The following DNAH11 variants were observed in gnomAD, a reference collection of about 807,000 sequenced individuals.
DNAH11 encodes the protein dynein axonemal heavy chain 11, also known as axonemal beta dynein heavy chain 11.
In DNAH11, 442 loss-of-function variants were observed where a neutral mutation model predicts 526.0. That is an observed-to-expected ratio of 0.84 (90% confidence interval 0.78 to 0.91). The LOEUF (loss-of-function observed/expected upper bound fraction) is 0.91. Among genes scored for constraint, DNAH11 ranks in the 40% least tolerant of loss-of-function variants. DNAH11 has a pLI of 0.00. For missense variants in DNAH11, 6,989 were observed against 5,448.7 expected (o/e 1.28, Z -8.90); for synonymous variants, 2,461 against 1,935.9 (o/e 1.27, Z -7.12).
At chr7:21,578,380 T>C (rs1161894648) in intron 8 of DNAH11, among the ~76,000 whole-genome samples, 2 of 152,136 alleles carry the variant, frequency 1.3e-5, no homozygotes, top group South Asian at 2.1e-4. Flanking sequence ...CCTTTGACTC[T>C]ATGTCTCACA....
intron 75 of DNAH11, among the ~76,000 whole-genome samples, chr7:21,883,185 C>G (rs1385278861): frequency 1.3e-5 from 2 of 152,212 alleles, no homozygotes; most frequent in Non-Finnish European, 2.9e-5. Context: ...TTTACTTGTT[C>G]TGTTCTGTCA....
intron 40 of DNAH11, among the ~76,000 whole-genome samples, chr7:21,708,432 G>C (rs957075440): frequency 2.0e-5 from 3 of 152,164 alleles, no homozygotes; most frequent in African/African-American, 7.2e-5. Context: ...GTTAGTTGAA[G>C]CTGCCATCAT....
Position 21,816,577 on chromosome 7 carries a change from A to G in DNAH11, c.10443A>G (p.Glu3481=). Residue 3481 remains glutamate, a synonymous_variant, in exon 64 of 82, where the codon GAA becomes GAG. Transcript: ENST00000409508. ...TGCCCAGTGACAGAATGTCCACCGA[A>G]AATGCCGCTATCCTAACACACTGTG... The part of the protein sequence containing the change: ...EGLPSDRMST[E]NAAILTHCER... The G allele has an allele frequency of 6.2e-7, 1 of 1,613,548 alleles. No individual in the cohort carries two copies. The highest frequency in any genetic ancestry group is 8.5e-7 in the Non-Finnish European group (1 of 1,179,774).
At chr7:21,690,686 T>A in intron 34 of DNAH11, 79 bp from the exon 35 acceptor site, 1 of 1,037,236 alleles carries the variant, frequency 9.6e-7, no homozygotes, top group African/African-American at 1.6e-5. Flanking sequence ...AATTTGCATT[T>A]TGCAGTGGTT....
chr7:21,555,767 G>A (rs1039437336), intron 2 of DNAH11, among the ~76,000 whole-genome samples: 3 of 152,126 alleles, frequency 2.0e-5, no homozygotes, highest in Non-Finnish European at 2.9e-5. Flanking sequence ...TTTGTTTATG[G>A]CCTCTGCAGG....
chr7:21,881,340 T>G (rs1397353573), intron 75 of DNAH11, among the ~76,000 whole-genome samples: 1 of 152,242 alleles, frequency 6.6e-6, no homozygotes, highest in Non-Finnish European at 1.5e-5. Context: ...TAATGGTGCA[T>G]TTCCTGCATA....
chr7:21,598,487 C>G (rs1473627771), intron 14 of DNAH11, among the ~76,000 whole-genome samples: 3 of 152,096 alleles, frequency 2.0e-5, no homozygotes, highest in African/African-American at 7.2e-5. Flanking sequence ...GTGCAAGAAG[C>G]TCATATTGTT....
At chr7:21,786,536 C>T (rs1470673621) in intron 58 of DNAH11, 88 bp from the exon 59 acceptor site, 2 of 1,466,108 alleles carry the variant, frequency 1.4e-6, no homozygotes, top group African/African-American at 1.4e-5. Flanking sequence ...AGTGGGAGTC[C>T]ACTAAAGCCT....
chr7:21,600,457 A>G (rs949171181), intron 15 of DNAH11, among the ~76,000 whole-genome samples: 3 of 150,478 alleles, frequency 2.0e-5, no homozygotes, highest in African/African-American at 7.5e-5. Flanking sequence ...TGTCTCAAAA[A>G]AACAAAAACA....
intron 28 of DNAH11, among the ~76,000 whole-genome samples, chr7:21,654,021 T>A (rs1781900731): frequency 6.6e-6 from 1 of 152,228 alleles, no homozygotes; most frequent in African/African-American, 2.4e-5. Flanking sequence ...GGCGCCTGTA[T>A]GCTTGGAAAT....
chr7:21,700,525 T>C (rs565949959), intron 36 of DNAH11, among the ~76,000 whole-genome samples: 39 of 152,226 alleles, frequency 2.6e-4, no homozygotes, highest in Non-Finnish European at 4.9e-4. Flanking sequence ...TTATTGTTAC[T>C]GCAATAACTT....
At chr7:21,678,485 G>A (rs1331323384) in intron 30 of DNAH11, among the ~76,000 whole-genome samples, 1 of 152,052 alleles carries the variant, frequency 6.6e-6, no homozygotes, top group Non-Finnish European at 1.5e-5. Flanking sequence ...ATCAAGAGAT[G>A]TGATGCCTCC....
At chr7:21,648,609 T>C (rs2128463028) in intron 28 of DNAH11, among the ~76,000 whole-genome samples, 1 of 152,310 alleles carries the variant, frequency 6.6e-6, no homozygotes, top group East Asian at 1.9e-4. Flanking sequence ...CCAGCTGGAC[T>C]AGCTGAGGCA....
intron 36 of DNAH11, 78 bp downstream of exon 36, chr7:21,698,291 T>C (rs1019753774): frequency 6.4e-7 from 1 of 1,569,746 alleles, no homozygotes; most frequent in African/African-American, 1.4e-5. Flanking sequence ...TTAGGTAATT[T>C]ATCATTCAAA....
chr7:21,603,159 G>C (rs1044133045), intron 18 of DNAH11, among the ~76,000 whole-genome samples: 7 of 152,154 alleles, frequency 4.6e-5, no homozygotes, highest in African/African-American at 1.7e-4. Flanking sequence ...CATACAATAT[G>C]TGACCTATTT....
chr7:21,868,054 CT>C, intron 72 of DNAH11, 47 bp downstream of exon 72: 1 of 1,410,984 alleles, frequency 7.1e-7, no homozygotes, highest in Non-Finnish European at 9.3e-7. Context: ...CCCTCCCTCC[CT>C]TTCACCCCCA....
chr7:21,852,752 G>C, intron 67 of DNAH11, 121 bp downstream of exon 67: 2 of 1,057,850 alleles, frequency 1.9e-6, no homozygotes, highest in South Asian at 5.0e-5. Flanking sequence ...GAATTCAGGT[G>C]ATTTAATAAG....
intron 2 of DNAH11, among the ~76,000 whole-genome samples, chr7:21,552,193 G>A (rs1002320086): frequency 1.3e-5 from 2 of 152,168 alleles, no homozygotes; most frequent in African/African-American, 2.4e-5. Flanking sequence ...AAGAAGGGAG[G>A]GCCAGGACCA....
chr7:21,901,156 CTG>C lies in DNAH11; in HGVS notation c.13454_13455del (p.Leu4485GlnfsTer34), dbSNP rs1185108937. 6.2e-7 allele frequency: 1 copy of C among 1,612,784 alleles called. No homozygotes were observed. Among genetic ancestry groups the C allele is most frequent in the Non-Finnish European group, 8.5e-7 (1 of 1,178,920 alleles). ...CGAGTGCCCTGTGTATAGAACCAAACTGAGAGGCCCCAGCTACATCTGGACCT... is the reference window on the plus strand; with the variant it reads ...CGAGTGCCCTGTGTATAGAACCAAACAGAGGCCCCAGCTACATCTGGACCT... ...TYECPVYRTKLRGPSYIWTFR... is the reference protein window; with the variant it reads ...TYECPVYRTKXRGPSYIWTFR... On this transcript the variant is annotated frameshift_variant, in exon 82 of 82. Transcript: ENST00000409508. LOFTEE classifies it high-confidence loss of function.
Sources: allele counts gnomAD v4.1 joint callset (sites outside exome capture counted in the v4.1 genomes callset), GRCh38; gene constraint gnomAD v4.1.1; transcripts MANE v1.5; gene names NCBI Gene and HGNC (gene_info 2026-07-23, HGNC 2026-07-21).